Variants in NEGR1 observed in about 807,000 individuals in gnomAD.
NEGR1 encodes the protein neuronal growth regulator 1.
Under a neutral mutation model 40.9 loss-of-function variants are expected in NEGR1, and 10 were observed. The ratio of observed to expected loss-of-function variants is 0.24; its 90% CI spans 0.15 to 0.42. The LOEUF (loss-of-function observed/expected upper bound fraction) is 0.42. NEGR1 is among the 10% of genes least tolerant of loss of function. NEGR1 has a pLI of 1.00. For missense variants in NEGR1, 352 were observed against 438.9 expected, an observed-to-expected ratio of 0.80 and a Z score of 1.77; for synonymous variants, 185 against 166.8, an observed-to-expected ratio of 1.11 and a Z score of -0.84.
At chr1:71,655,538 A>C (rs1651848947) in intron 4 of NEGR1, among the ~76,000 whole-genome samples, 1 of 152,202 alleles carries the variant, frequency 6.6e-6, no homozygotes, top group South Asian at 2.1e-4. Context: ...TAATATAAAC[A>C]AATGCAGAAT....
intron 6 of NEGR1, among the ~76,000 whole-genome samples, chr1:71,527,920 G>T (rs1223975459): frequency 6.6e-6 from 1 of 151,188 alleles, no homozygotes; most frequent in Non-Finnish European, 1.5e-5. Flanking sequence ...GTTTTTTATT[G>T]TATTGTCTTC....
chr1:72,145,039 T>C (rs1338080151), intron 1 of NEGR1, among the ~76,000 whole-genome samples: 1 of 152,054 alleles, frequency 6.6e-6, no homozygotes, highest in Non-Finnish European at 1.5e-5. Context: ...TTGTCAGATT[T>C]AACAAGGAAC....
chr1:72,145,745 C>G (rs1236450061), intron 1 of NEGR1, among the ~76,000 whole-genome samples: 1 of 151,952 alleles, frequency 6.6e-6, no homozygotes, highest in Non-Finnish European at 1.5e-5. Context: ...TTATCTCTAC[C>G]TTCATTATTT....
intron 1 of NEGR1, among the ~76,000 whole-genome samples, chr1:72,084,428 C>G (rs1360676705): frequency 6.6e-6 from 1 of 152,164 alleles, no homozygotes; most frequent in Non-Finnish European, 1.5e-5. Flanking sequence ...AAATTGCAAA[C>G]GTTTCTCTAG....
intron 4 of NEGR1, among the ~76,000 whole-genome samples, chr1:71,693,864 C>T (rs1437671939): frequency 1.3e-5 from 2 of 151,464 alleles, no homozygotes; most frequent in Admixed American, 1.3e-4. Context: ...GTCTTCCACT[C>T]CTTGCTGATT....
chr1:71,830,293 C>G (rs192348597), intron 2 of NEGR1, among the ~76,000 whole-genome samples: 1 of 151,882 alleles, frequency 6.6e-6, no homozygotes, highest in African/African-American at 2.4e-5. Flanking sequence ...TTGCTCTGGA[C>G]TAAGTTGAAA....
chr1:71,694,519 C>T (rs1383607261), intron 4 of NEGR1, among the ~76,000 whole-genome samples: 1 of 151,682 alleles, frequency 6.6e-6, no homozygotes, highest in Non-Finnish European at 1.5e-5. Flanking sequence ...ATTCAACCAA[C>T]CAACTAGCTC....
intron 6 of NEGR1, chr1:71,422,736 G>A (rs1250191352): frequency 1.3e-5 from 2 of 152,212 alleles, no homozygotes; most frequent in African/African-American, 4.8e-5. Context: ...TGGTTGAGAA[G>A]AGGCAAAGTG....
intron 1 of NEGR1, among the ~76,000 whole-genome samples, chr1:72,181,830 T>TA (rs1177425673): frequency 6.6e-6 from 1 of 152,014 alleles, no homozygotes; most frequent in Admixed American, 6.6e-5. Flanking sequence ...TGTGGAGTCT[T>TA]AAAAAATTCA....
intron 6 of NEGR1, among the ~76,000 whole-genome samples, chr1:71,444,721 A>C (rs1171438443): frequency 9.2e-6 from 1 of 108,406 alleles, no homozygotes; most frequent in Non-Finnish European, 1.9e-5. Flanking sequence ...AAAACTATTT[A>C]CTATTTGGCT....
chr1:72,041,959 A>ATATTTATATAT, intron 1 of NEGR1, among the ~76,000 whole-genome samples: 1 of 140,488 alleles, frequency 7.1e-6, no homozygotes, highest in Admixed American at 7.4e-5. Flanking sequence ...TCAAATATAT[A>ATATTTATATAT]TTATATATAA....
intron 1 of NEGR1, among the ~76,000 whole-genome samples, chr1:72,092,702 G>A (rs1332784347): frequency 6.6e-6 from 1 of 151,910 alleles, no homozygotes; most frequent in East Asian, 1.9e-4. Context: ...CCAGGCTGGA[G>A]TGCAGTAGTA....
At chr1:72,009,636 C>G (rs766412029) in intron 1 of NEGR1, among the ~76,000 whole-genome samples, 1 of 152,086 alleles carries the variant, frequency 6.6e-6, no homozygotes, top group East Asian at 1.9e-4. Context: ...TGACAGTTTA[C>G]GTGTAACCTA....
intron 6 of NEGR1, among the ~76,000 whole-genome samples, chr1:71,462,104 G>T (rs541948622): frequency 6.6e-6 from 1 of 152,198 alleles, no homozygotes; most frequent in Non-Finnish European, 1.5e-5. Context: ...TATTAGCACT[G>T]TTAGAGTAGT....
rs553604607 is a variant in NEGR1 at position 72,096,917 on chromosome 1, T to G, written c.177-161606A>C. On this transcript the variant is annotated intron_variant, in intron 1 of 6. Transcript: ENST00000357731. ...CAGGATGATCTCGATCTTCTGAACT[T>G]GTGGTCTGCCTGCCTCGGCCTCCCA... Among the ~76,000 whole-genome samples the G allele has an allele frequency of 2.6e-4, 39 of 152,176 alleles. 1 individual carries two copies. In the South Asian group the frequency reaches 7.0e-3, roughly 28 times the overall value.
At chr1:71,813,149 T>C (rs1275289208) in intron 2 of NEGR1, among the ~76,000 whole-genome samples, 2 of 152,186 alleles carry the variant, frequency 1.3e-5, no homozygotes, top group African/African-American at 4.8e-5. Context: ...TTTCTGTATA[T>C]GGCTAGCCAG....
chr1:71,538,789 A>G (rs1229788339), intron 6 of NEGR1, among the ~76,000 whole-genome samples: 1 of 151,720 alleles, frequency 6.6e-6, no homozygotes, highest in Admixed American at 6.6e-5. Context: ...ACTTTCATGT[A>G]TTTATAGCTA....
At chr1:71,423,693 T>A (rs950199318) in intron 6 of NEGR1, among the ~76,000 whole-genome samples, 1 of 152,098 alleles carries the variant, frequency 6.6e-6, no homozygotes, top group Non-Finnish European at 1.5e-5. Flanking sequence ...AAATACAGGG[T>A]GGGATAGCAA....
chr1:71,430,325 CT>C (rs1452203382), intron 6 of NEGR1, among the ~76,000 whole-genome samples: 1 of 152,170 alleles, frequency 6.6e-6, no homozygotes. Flanking sequence ...GACCTGGCCT[CT>C]GCTGGGTATT....
Sources: gnomAD v4.1 joint callset for allele counts (sites outside exome capture counted in the v4.1 genomes callset) on GRCh38, gnomAD v4.1.1 for gene constraint, MANE v1.5 for transcripts, NCBI Gene and HGNC (gene_info 2026-07-23, HGNC 2026-07-21) for gene names.